Variants in ANO4 observed in about 807,000 individuals in gnomAD.
ANO4 encodes anoctamin 4.
Under a neutral mutation model 141.9 loss-of-function variants are expected in ANO4, and 69 were observed. The observed-to-expected ratio is 0.49, with a 90% CI of 0.40 to 0.59. The LOEUF (loss-of-function observed/expected upper bound fraction) is 0.59, where lower values mean the gene tolerates loss of function less well. ANO4 is among the 20% of genes least tolerant of loss of function. ANO4 has a pLI of 0.00. For missense variants in ANO4, 894 were observed against 1,162.2 expected (o/e 0.77, Z 3.36); for synonymous variants, 350 against 394.3 (o/e 0.89, Z 1.33).
chr12:101,080,232 T>C (rs1313521294), intron 15 of ANO4, among the ~76,000 whole-genome samples: 3 of 152,150 alleles, frequency 2.0e-5, no homozygotes, highest in African/African-American at 7.2e-5. Flanking sequence ...AGCCCTGTGG[T>C]AGGCTTGGTG....
At position 100,879,476 on chromosome 12, in the gene ANO4, T is replaced by C. The variant is rs544076485; in HGVS notation, c.-140-22170T>C. ...CTGTAAAATTGGGAGACCCTCAGGGTTGAGAGCAGATCTTCCTCTTTTGCA... is the reference window on the plus strand; with the variant it reads ...CTGTAAAATTGGGAGACCCTCAGGGCTGAGAGCAGATCTTCCTCTTTTGCA... On this transcript the variant is annotated intron_variant, in intron 1 of 27. Transcript: ENST00000392977. Among the ~76,000 whole-genome samples the C allele has an allele frequency of 2.0e-5, 3 of 152,278 alleles. No individual in the cohort carries two copies. The South Asian group carries it at 6.2e-4, about 32-fold the overall frequency.
At chr12:100,820,183 G>C in intron 1 of ANO4, among the ~76,000 whole-genome samples, 2 of 151,820 alleles carry the variant, frequency 1.3e-5, no homozygotes, top group East Asian at 3.9e-4. Flanking sequence ...AGAGCAGAAG[G>C]GGGGGCCCTC....
chr12:100,947,961 A>G (rs1443000238), intron 5 of ANO4, among the ~76,000 whole-genome samples: 2 of 152,058 alleles, frequency 1.3e-5, no homozygotes, highest in African/African-American at 4.8e-5. Flanking sequence ...AGGCGGGCGG[A>G]TCACGAGGTC....
At chr12:100,744,315 G>A (rs899256747) in intron 3 of ANO4, among the ~76,000 whole-genome samples, 2 of 152,110 alleles carry the variant, frequency 1.3e-5, no homozygotes, top group African/African-American at 4.8e-5. Flanking sequence ...AACAACAAAC[G>A]TTTCTTTCTC....
chr12:100,962,252 A>G (rs952291453), intron 5 of ANO4, among the ~76,000 whole-genome samples: 1 of 152,228 alleles, frequency 6.6e-6, no homozygotes, highest in Non-Finnish European at 1.5e-5. Flanking sequence ...CGATCACAAG[A>G]TGTTCATAAA....
chr12:100,823,411 C>G (rs2036160836), intron 1 of ANO4, among the ~76,000 whole-genome samples: 1 of 151,968 alleles, frequency 6.6e-6, no homozygotes, highest in African/African-American at 2.4e-5. Context: ...GAAGGCCACC[C>G]CTTTTTGTCA....
intron 8 of ANO4, among the ~76,000 whole-genome samples, chr12:100,989,860 A>G (rs914352192): frequency 4.1e-5 from 6 of 147,194 alleles, no homozygotes; most frequent in African/African-American, 1.5e-4. Context: ...ATACACATGG[A>G]TAGGTCACCA....
chr12:101,104,215 C>T (rs1219282505), intron 22 of ANO4, among the ~76,000 whole-genome samples: 1 of 151,646 alleles, frequency 6.6e-6, no homozygotes, highest in African/African-American at 2.4e-5. Flanking sequence ...TACACATTTG[C>T]CTTTTGGTTC....
At chr12:100,829,297 A>G (rs941562916) in intron 1 of ANO4, among the ~76,000 whole-genome samples, 6 of 152,086 alleles carry the variant, frequency 3.9e-5, no homozygotes, top group African/African-American at 1.4e-4. Context: ...CAGTTTTCTT[A>G]TCATTAAATG....
At chr12:101,004,028 G>A (rs17030891) in intron 8 of ANO4, among the ~76,000 whole-genome samples, 12,354 of 151,832 alleles carry the variant, frequency 0.081, 612 homozygotes, top group Middle Eastern at 0.16. Flanking sequence ...GTGGTGTGTA[G>A]TTTCTCAGAG....
intron 1 of ANO4, among the ~76,000 whole-genome samples, chr12:100,897,940 T>A (rs766483603): frequency 1.4e-4 from 22 of 152,356 alleles, no homozygotes; most frequent in Middle Eastern, 3.4e-3. Context: ...TAAGTTACTA[T>A]TCAGAACCAC....
chr12:100,960,101 T>C (rs1381579344), intron 5 of ANO4, among the ~76,000 whole-genome samples: 1 of 152,162 alleles, frequency 6.6e-6, no homozygotes, highest in Non-Finnish European at 1.5e-5. Flanking sequence ...TGGCTAGAGC[T>C]CATGATATGG....
rs114686730 is a variant in ANO4 at position 100,940,636 on chromosome 12, T to A, written c.297+1185T>A. 8.8e-3 allele frequency among the ~76,000 whole-genome samples: 1,341 copies of A among 152,288 alleles called. 18 individuals carry two copies. Among genetic ancestry groups the A allele is most frequent in the African/African-American group, 0.03 (1,267 of 41,564 alleles). On this transcript the variant is annotated intron_variant, in intron 4 of 27. Transcript: ENST00000392977. ...AGACATGGTACATGGTCATTCCATT[T>A]CCCCAGCTGAGATGTTTTTTTCGAT...
At chr12:100,768,167 A>G (rs1199521745) in intron 3 of ANO4, among the ~76,000 whole-genome samples, 1 of 151,934 alleles carries the variant, frequency 6.6e-6, no homozygotes, top group African/African-American at 2.4e-5. Context: ...ACAAGCTTGG[A>G]TCCTGGGGCC....
chr12:100,912,201 G>A (rs1414923356), intron 2 of ANO4, among the ~76,000 whole-genome samples: 1 of 151,884 alleles, frequency 6.6e-6, no homozygotes, highest in Non-Finnish European at 1.5e-5. Context: ...TTCGAGACCA[G>A]CCTGGCCAAC....
At chr12:100,821,695 G>A (rs568872752) in intron 1 of ANO4, among the ~76,000 whole-genome samples, 6 of 152,018 alleles carry the variant, frequency 3.9e-5, no homozygotes, top group Non-Finnish European at 7.4e-5. Flanking sequence ...TAGCAGCAGT[G>A]TGGTACTCCA....
intron 6 of ANO4, among the ~76,000 whole-genome samples, chr12:100,974,293 G>A (rs1389858865): frequency 1.3e-5 from 2 of 152,110 alleles, no homozygotes; most frequent in Non-Finnish European, 2.9e-5. Flanking sequence ...GTGTGGTTAT[G>A]TACAGCTGGG....
intron 5 of ANO4, among the ~76,000 whole-genome samples, chr12:100,967,289 T>G (rs2043713872): frequency 6.6e-6 from 1 of 152,180 alleles, no homozygotes; most frequent in East Asian, 1.9e-4. Context: ...TCATTTCTTT[T>G]CACTTTGGCT....
intron 1 of ANO4, among the ~76,000 whole-genome samples, chr12:100,848,132 T>A (rs2037670875): frequency 6.6e-6 from 1 of 152,250 alleles, no homozygotes; most frequent in Non-Finnish European, 1.5e-5. Flanking sequence ...TTTGTTTTTT[T>A]TCTTTTTCTT....
Sources: allele counts gnomAD v4.1 joint callset (sites outside exome capture counted in the v4.1 genomes callset), GRCh38; gene constraint gnomAD v4.1.1; transcripts MANE v1.5; gene names NCBI Gene and HGNC (gene_info 2026-07-23, HGNC 2026-07-21).